Variants in RABGEF1 observed in about 807,000 individuals in gnomAD.
RABGEF1 encodes RAB guanine nucleotide exchange factor 1, also known as rab5 GDP/GTP exchange factor.
RABGEF1 carries 26 observed loss-of-function variants against 57.3 expected under a neutral mutation model. That is an observed-to-expected ratio of 0.45 (90% CI 0.33 to 0.63). The LOEUF is 0.63. Among genes scored for constraint, RABGEF1 ranks in the 20% least tolerant of loss-of-function variants. The pLI, the probability that RABGEF1 is intolerant of heterozygous loss-of-function variation, is 0.02. For synonymous variants in RABGEF1, 185 were observed against 210.7 expected (o/e 0.88, Z 1.06); for missense variants, 464 against 607.6 (o/e 0.76, Z 2.48).
At chr7:66,795,697 T>C in intron 5 of RABGEF1, 105 bp downstream of exon 5, 1 of 1,075,382 alleles carries the variant, frequency 9.3e-7, no homozygotes, top group South Asian at 1.3e-5. Flanking sequence ...GTTTGTAGAC[T>C]TCATCCTGTA....
intron 2 of RABGEF1, chr7:66,773,625 C>G (rs76005120): frequency 2.2e-6 from 1 of 452,620 alleles, no homozygotes; most frequent in Non-Finnish European, 4.4e-6. Flanking sequence ...GGGAATCATA[C>G]TTGGAAAATC....
intron 6 of RABGEF1, among the ~76,000 whole-genome samples, chr7:66,798,470 G>C (rs1786537766): frequency 6.6e-6 from 1 of 152,216 alleles, no homozygotes; most frequent in African/African-American, 2.4e-5. Flanking sequence ...GGCTGAAGAT[G>C]TGGAGCCCAA....
At chr7:66,761,445 T>C (rs889272415) in intron 1 of RABGEF1, among the ~76,000 whole-genome samples, 6 of 152,196 alleles carry the variant, frequency 3.9e-5, no homozygotes, top group African/African-American at 9.6e-5. Context: ...TAACAGATAT[T>C]GCAAAGGATC....
At chr7:66,694,066 C>T (rs1791958622) in intron 1 of RABGEF1, among the ~76,000 whole-genome samples, 1 of 152,214 alleles carries the variant, frequency 6.6e-6, no homozygotes, top group African/African-American at 2.4e-5. Flanking sequence ...ATCTGGGCCT[C>T]CCACAGTGCT....
intron 1 of RABGEF1, among the ~76,000 whole-genome samples, chr7:66,700,695 C>T (rs893018930): frequency 7.2e-5 from 11 of 152,230 alleles, no homozygotes; most frequent in Non-Finnish European, 2.9e-5. Flanking sequence ...CTTCACACCA[C>T]CCACCCTAAG....
intron 1 of RABGEF1, among the ~76,000 whole-genome samples, chr7:66,745,641 C>T (rs764220628): frequency 7.9e-5 from 12 of 151,894 alleles, no homozygotes; most frequent in African/African-American, 1.7e-4. Context: ...TGGTGATGTG[C>T]GCCTGTGATC....
At chr7:66,775,455 A>G (rs756912991) in intron 3 of RABGEF1, 62 bp downstream of exon 3, 28 of 1,565,334 alleles carry the variant, frequency 1.8e-5, no homozygotes, top group Middle Eastern at 1.8e-4. Context: ...GAGATCCCCA[A>G]TGCTCATAAG....
chr7:66,677,956 T>C (rs1339781618), upstream of RABGEF1, among the ~76,000 whole-genome samples: 1 of 151,440 alleles, frequency 6.6e-6, no homozygotes, highest in African/African-American at 2.4e-5. Context: ...TCCCAGCTAC[T>C]TGGGGGGCTG....
At chr7:66,804,989 A>C in intron 7 of RABGEF1, 151 bp from the exon 8 acceptor site, 1 of 873,642 alleles carries the variant, frequency 1.1e-6, no homozygotes, top group Non-Finnish European at 1.7e-6. Flanking sequence ...GTATGAGATC[A>C]TATTTACTAA....
chr7:66,705,482 A>G (rs1429100900), intron 1 of RABGEF1, among the ~76,000 whole-genome samples: 3 of 139,566 alleles, frequency 2.1e-5, no homozygotes, highest in Admixed American at 1.5e-4. Flanking sequence ...AGAGAGAGAG[A>G]GAGAGGAGGG....
chr7:66,792,278 C>T (rs918581491), intron 4 of RABGEF1, among the ~76,000 whole-genome samples: 1 of 152,156 alleles, frequency 6.6e-6, no homozygotes, highest in Non-Finnish European at 1.5e-5. Flanking sequence ...CAAACCTGCC[C>T]TCACTTTGCC....
intron 1 of RABGEF1, among the ~76,000 whole-genome samples, chr7:66,711,609 T>A (rs1427157491): frequency 6.6e-6 from 1 of 151,820 alleles, no homozygotes; most frequent in Non-Finnish European, 1.5e-5. Context: ...TTTTTTGAGA[T>A]GGAGTCTTGC....
chr7:66,768,437 G>GT (rs1296298776), intron 1 of RABGEF1, among the ~76,000 whole-genome samples: 1 of 152,214 alleles, frequency 6.6e-6, no homozygotes, highest in East Asian at 1.9e-4. Flanking sequence ...TTCTGGGTAT[G>GT]TAAGTTCTTT....
At chr7:66,698,128 C>G (rs1481972822) in intron 1 of RABGEF1, among the ~76,000 whole-genome samples, 1 of 148,912 alleles carries the variant, frequency 6.7e-6, no homozygotes, top group African/African-American at 2.4e-5. Context: ...ACCAGTACTT[C>G]AGGATAAACC....
chr7:66,702,347 T>TTGTGTGTGTGTGTGTGTGTG (rs58655312), intron 1 of RABGEF1, among the ~76,000 whole-genome samples: 1 of 143,888 alleles, frequency 6.9e-6, no homozygotes, highest in Non-Finnish European at 1.5e-5. Context: ...ATTGTTTTGT[T>TTGTGTGTGTGTGTGTGTGTG]TGTGTGTGTG....
At chr7:66,738,676 G>T (rs1337042224), upstream of RABGEF1, among the ~76,000 whole-genome samples, 3 of 149,148 alleles carry the variant, frequency 2.0e-5, no homozygotes, top group Non-Finnish European at 4.4e-5. Context: ...AGGCTGGAGT[G>T]CGCCGAGATT....
At chr7:66,688,039 C>T (rs975535597) in intron 1 of RABGEF1, among the ~76,000 whole-genome samples, 14 of 136,416 alleles carry the variant, frequency 1.0e-4, no homozygotes, top group South Asian at 2.3e-4. Context: ...GAGCTGAGAT[C>T]GTGTTATTGC....
chr7:66,708,342 C>T (rs1317289266), intron 1 of RABGEF1, among the ~76,000 whole-genome samples: 2 of 151,682 alleles, frequency 1.3e-5, no homozygotes, highest in Admixed American at 6.6e-5. Context: ...AGCTGGAGTG[C>T]AGTGGCGCAA....
At chr7:66,660,853 T>C in the RABGEF1 span, among the ~76,000 whole-genome samples, 1 of 152,218 alleles carries the variant, frequency 6.6e-6, no homozygotes, top group South Asian at 2.1e-4. Flanking sequence ...GCCTTGATGC[T>C]AGGGTCAGAC....
Sources: allele counts gnomAD v4.1 joint callset (sites outside exome capture counted in the v4.1 genomes callset), GRCh38; gene constraint gnomAD v4.1.1; transcripts MANE v1.5; gene names NCBI Gene and HGNC (gene_info 2026-07-23, HGNC 2026-07-21).